The following DMD variants were observed in gnomAD, a reference collection of about 807,000 sequenced individuals.
DMD encodes mutant dystrophin.
Under a neutral mutation model 330.1 loss-of-function variants are expected in DMD, and 63 were observed. The observed-to-expected ratio is 0.19, with a 90% confidence interval of 0.16 to 0.24. The LOEUF is 0.24. DMD is among the 10% of genes least tolerant of loss of function. The pLI, the probability that DMD is intolerant of heterozygous loss-of-function variation, is 1.00. For synonymous variants in DMD, 1,223 were observed against 959.8 expected (o/e 1.27, Z -5.07); for missense variants, 3,344 against 2,684.1 (o/e 1.25, Z -5.43).
chrX:32,404,942 T>C (rs368973697), intron 30 of DMD, among the ~76,000 whole-genome samples: 51 of 111,669 alleles, frequency 4.6e-4, no homozygotes, highest in African/African-American at 1.6e-3. Context: ...TTTTCTTCCA[T>C]CACCCATTTT....
intron 29 of DMD, among the ~76,000 whole-genome samples, chrX:32,429,090 A>G (rs1321794650): frequency 1.8e-5 from 2 of 110,979 alleles, no homozygotes; most frequent in Non-Finnish European, 3.8e-5. Context: ...TTTCTTAAAA[A>G]CAATGTATTT....
intron 55 of DMD, among the ~76,000 whole-genome samples, chrX:31,538,599 T>C (rs1389797427): frequency 2.7e-5 from 3 of 112,396 alleles, no homozygotes; most frequent in Non-Finnish European, 5.6e-5. Context: ...TATTGATTTA[T>C]ATACAAGGGC....
chrX:33,273,267 C>T (rs1329514750), intron 1 of DMD, among the ~76,000 whole-genome samples: 3 of 111,981 alleles, frequency 2.7e-5, no homozygotes, highest in Non-Finnish European at 5.6e-5. Context: ...CTGAATGATG[C>T]ATTTTATACA....
intron 7 of DMD, among the ~76,000 whole-genome samples, chrX:32,756,833 C>A (rs2748315): frequency 9.0e-6 from 1 of 110,567 alleles, no homozygotes; most frequent in South Asian, 3.8e-4. Context: ...CCCAACTTTA[C>A]AGTTAGAATT....
At chrX:33,271,845 T>TA (rs1427402575) in intron 1 of DMD, among the ~76,000 whole-genome samples, 1 of 109,034 alleles carries the variant, frequency 9.2e-6, no homozygotes, top group East Asian at 2.9e-4. Flanking sequence ...AAAACATGAA[T>TA]AGTGACCATG....
At chrX:33,019,712 T>G (rs2093876596) in intron 2 of DMD, among the ~76,000 whole-genome samples, 1 of 111,546 alleles carries the variant, frequency 9.0e-6, no homozygotes, top group African/African-American at 3.3e-5. Flanking sequence ...CTCTAAACTA[T>G]AGTGGCTGAA....
chrX:31,381,765 C>T (rs2060193793), intron 60 of DMD, among the ~76,000 whole-genome samples: 1 of 112,074 alleles, frequency 8.9e-6, no homozygotes, highest in Non-Finnish European at 1.9e-5. Context: ...AAGCCACTAG[C>T]CTGCCTCTTA....
intron 62 of DMD, among the ~76,000 whole-genome samples, chrX:31,313,656 G>T (rs2055721343): frequency 9.1e-6 from 1 of 110,048 alleles, no homozygotes; most frequent in Non-Finnish European, 1.9e-5. Flanking sequence ...ATTAAGTAAT[G>T]TCTCATTATC....
intron 38 of DMD, among the ~76,000 whole-genome samples, chrX:32,347,485 G>C (rs1055141411): frequency 2.7e-5 from 3 of 111,606 alleles, no homozygotes; most frequent in South Asian, 3.7e-4. Context: ...TCCACAAGCT[G>C]AGTTGGCAAG....
intron 47 of DMD, among the ~76,000 whole-genome samples, chrX:31,880,604 G>A (rs951203100): frequency 3.0e-4 from 34 of 111,980 alleles, no homozygotes; most frequent in African/African-American, 9.4e-4. Context: ...TCAAAGTTCT[G>A]GAAAACAAGC....
chrX:31,853,005 T>C (rs1188935457), intron 48 of DMD, among the ~76,000 whole-genome samples: 1 of 112,368 alleles, frequency 8.9e-6, no homozygotes, highest in Admixed American at 9.4e-5. Context: ...TGCCTCAGCC[T>C]CCAGAGTAGC....
Position 32,407,595 on chromosome X carries a change from C to G in DMD, c.4233+4157G>C, listed in dbSNP as rs1425843631. The stretch of plus-strand genomic sequence containing the variant: ...CCTCAGGGATCTAGAACTAGAAATA[C>G]CATTTGACCCAGCCATCCCGTTACT... On this transcript the variant is annotated intron_variant, in intron 30 of 78. Transcript: ENST00000357033. 6.3e-5 allele frequency among the ~76,000 whole-genome samples: 7 copies of G among 110,794 alleles called. No individual in the cohort carries two copies. In the East Asian group the frequency reaches 2.0e-3, roughly 32 times the overall value.
At chrX:32,455,802 T>C (rs1195694466) in intron 25 of DMD, among the ~76,000 whole-genome samples, 1 of 111,440 alleles carries the variant, frequency 9.0e-6, no homozygotes, top group Non-Finnish European at 1.9e-5. Flanking sequence ...GTTTTACGTG[T>C]AAAATGCAAG....
At chrX:32,014,787 T>C (rs1043527136) in intron 44 of DMD, among the ~76,000 whole-genome samples, 4 of 112,200 alleles carry the variant, frequency 3.6e-5, no homozygotes, top group Non-Finnish European at 7.5e-5. Flanking sequence ...AAAGTTCTAG[T>C]TGGGTCAGAG....
chrX:32,253,720 T>A (rs1451616590), intron 43 of DMD, among the ~76,000 whole-genome samples: 11 of 107,203 alleles, frequency 1.0e-4, no homozygotes, highest in African/African-American at 3.4e-4. Flanking sequence ...GCCTGCTGGG[T>A]TCAGGAGATT....
intron 11 of DMD, among the ~76,000 whole-genome samples, chrX:32,623,114 AT>A (rs2058106949): frequency 8.9e-6 from 1 of 111,869 alleles, no homozygotes; most frequent in Non-Finnish European, 1.9e-5. Flanking sequence ...GAAGGGCTTT[AT>A]TACAGTACTG....
At chrX:32,351,129 A>T (rs2097780370) in intron 37 of DMD, among the ~76,000 whole-genome samples, 1 of 110,564 alleles carries the variant, frequency 9.0e-6, no homozygotes, top group South Asian at 3.7e-4. Context: ...AAGCTTAATA[A>T]ATGTTGACTA....
intron 57 of DMD, among the ~76,000 whole-genome samples, chrX:31,482,236 T>TGGG (rs112500192): frequency 3.5e-5 from 3 of 84,961 alleles, no homozygotes; most frequent in African/African-American, 1.4e-4. Context: ...TGTGTGTGTG[T>TGGG]GGGGGGGGTG....
chrX:31,500,201 T>A (rs895280350), intron 56 of DMD, among the ~76,000 whole-genome samples: 3 of 112,060 alleles, frequency 2.7e-5, no homozygotes, highest in African/African-American at 9.7e-5. Context: ...GTATTCAACC[T>A]AAAGCTCTGG....
Sources: allele counts gnomAD v4.1 joint callset (sites outside exome capture counted in the v4.1 genomes callset), GRCh38; gene constraint gnomAD v4.1.1; transcripts MANE v1.5; gene names NCBI Gene and HGNC (gene_info 2026-07-23, HGNC 2026-07-21).